The following COL4A3 variants were observed in gnomAD, a reference collection of about 807,000 sequenced individuals.
The protein encoded by COL4A3 is collagen type IV alpha 3 chain.
COL4A3 carries 135 observed loss-of-function variants against 217.4 expected under a neutral mutation model. That is an observed-to-expected ratio of 0.62 (90% CI 0.54 to 0.72). COL4A3 has a LOEUF of 0.72. COL4A3 is among the 30% of genes least tolerant of loss of function. The pLI is 0.00. For missense variants in COL4A3, 1,868 were observed against 2,119.9 expected, an observed-to-expected ratio of 0.88 and a Z score of 2.33; for synonymous variants, 690 against 736.3, an observed-to-expected ratio of 0.94 and a Z score of 1.02.
chr2:227,293,466 G>C (rs1216010875), intron 38 of COL4A3, 149 bp downstream of exon 38: 11 of 913,446 alleles, frequency 1.2e-5, no homozygotes, highest in Non-Finnish European at 1.8e-5. Flanking sequence ...AACACACTAA[G>C]AGAATTCATT....
At chr2:227,202,350 T>C (rs1299522767) in intron 1 of COL4A3, among the ~76,000 whole-genome samples, 1 of 152,150 alleles carries the variant, frequency 6.6e-6, no homozygotes, top group East Asian at 1.9e-4. Context: ...ACTATAGGTG[T>C]TTCTTGAAGC....
At chr2:227,291,109 C>T in intron 37 of COL4A3, 1 of 530,702 alleles carries the variant, frequency 1.9e-6, no homozygotes, top group Non-Finnish European at 3.4e-6. Context: ...AGGAATTTCT[C>T]ACACTGTCTC....
chr2:227,293,414 T>C (rs1426258197), intron 38 of COL4A3, 97 bp downstream of exon 38: 4 of 1,373,428 alleles, frequency 2.9e-6, no homozygotes, highest in Non-Finnish European at 4.0e-6. Flanking sequence ...TTTATACTTT[T>C]ATGCTGCAGT....
At chr2:227,222,784 T>C (rs1307541297) in intron 1 of COL4A3, among the ~76,000 whole-genome samples, 2 of 151,962 alleles carry the variant, frequency 1.3e-5, no homozygotes. Context: ...CACAGGAATA[T>C]GAAAGCAAGC....
At chr2:227,237,930 G>A (rs1213037473) in intron 1 of COL4A3, 38 bp from the exon 2 acceptor site, 1 of 1,503,224 alleles carries the variant, frequency 6.7e-7, no homozygotes, top group Non-Finnish European at 9.3e-7. Flanking sequence ...TTATTCAGCT[G>A]TTTCTAAACA....
intron 42 of COL4A3, among the ~76,000 whole-genome samples, chr2:227,298,278 G>C (rs1259845301): frequency 6.6e-6 from 1 of 152,160 alleles, no homozygotes; most frequent in East Asian, 1.9e-4. Context: ...CTTAAACCTG[G>C]GAGGCAGAGG....
At chr2:227,272,832 C>T in intron 25 of COL4A3, 117 bp from the exon 26 acceptor site, 2 of 1,115,936 alleles carry the variant, frequency 1.8e-6, no homozygotes, top group East Asian at 2.4e-5. Context: ...ATGCCAAATG[C>T]TTTTAATTCA....
chr2:227,278,897 G>A (rs142935016), intron 28 of COL4A3, among the ~76,000 whole-genome samples: 283 of 152,204 alleles, frequency 1.9e-3, no homozygotes, highest in African/African-American at 6.4e-3. Flanking sequence ...GCTTCACCGT[G>A]GCTTCCTCTT....
At chr2:227,167,531 T>C (rs1487394257) in intron 1 of COL4A3, among the ~76,000 whole-genome samples, 1 of 152,200 alleles carries the variant, frequency 6.6e-6, no homozygotes, top group African/African-American at 2.4e-5. Flanking sequence ...CTGGATAAGG[T>C]GATGTTCACA....
intron 1 of COL4A3, among the ~76,000 whole-genome samples, chr2:227,219,168 A>AT (rs1001387770): frequency 1.5e-4 from 23 of 148,828 alleles, no homozygotes; most frequent in Non-Finnish European, 2.1e-4. Context: ...CTAATTTTGT[A>AT]TTTTTTTTTT....
intron 1 of COL4A3, among the ~76,000 whole-genome samples, chr2:227,222,125 A>G (rs2067823276): frequency 3.8e-5 from 2 of 52,798 alleles, no homozygotes; most frequent in Non-Finnish European, 8.3e-5. Flanking sequence ...ACTGTCTCTA[A>G]TAATAATAAT....
At chr2:227,186,811 T>A (rs2066050141) in intron 1 of COL4A3, among the ~76,000 whole-genome samples, 3 of 152,170 alleles carry the variant, frequency 2.0e-5, no homozygotes, top group Non-Finnish European at 4.4e-5. Context: ...GGGTGGCTTA[T>A]AAATAACAGA....
intron 31 of COL4A3, chr2:227,281,911 CAT>C (rs2071988250): frequency 6.6e-6 from 1 of 152,584 alleles, no homozygotes; most frequent in Admixed American, 6.5e-5. Flanking sequence ...TACACACACA[CAT>C]GCGCACGCAT....
chr2:227,260,340 G>T (rs929962116), intron 19 of COL4A3, among the ~76,000 whole-genome samples: 1 of 152,216 alleles, frequency 6.6e-6, no homozygotes, highest in Admixed American at 6.5e-5. Context: ...AAATCCAAAA[G>T]TTCTGGGCCA....
Position 227,273,082 on chromosome 2 carries a change from G to C in COL4A3, c.1892G>C (p.Gly631Ala), listed in dbSNP as rs1315862965. 6.2e-7 allele frequency: 1 copy of C among 1,613,894 alleles called. No homozygotes were observed. The highest frequency in any genetic ancestry group is 1.3e-5 in the African/African-American group (1 of 74,898). ...GAACCTGGTCTCCAGGGCACGCAAG[G>C]AGTTCCTGGAGCCCCCGGACCACCC... is the stretch of plus-strand genomic sequence containing the variant. ...QGEPGLQGTQ[G>A]VPGAPGPPGE... is the part of the protein sequence containing the mutation. The change falls in exon 26 of 52, where the codon GGA (glycine) becomes GCA (alanine). Residue 631 changes from glycine (G) to alanine (A), a missense_variant. Physicochemically the swap from Gly to Ala is moderately conservative, Grantham distance 60. Around this residue, in one of 2 missense-constraint regions of COL4A3, gnomAD observed 1,503 missense variants for 1,786.1 expected, o/e 0.84. Transcript: ENST00000396578.
intron 1 of COL4A3, among the ~76,000 whole-genome samples, chr2:227,188,929 A>C (rs961839285): frequency 2.6e-5 from 4 of 152,210 alleles, no homozygotes; most frequent in Non-Finnish European, 2.9e-5. Context: ...ACAGGGATGC[A>C]ATGACAGAGA....
intron 3 of COL4A3, among the ~76,000 whole-genome samples, chr2:227,240,623 C>A (rs2068968369): frequency 6.8e-6 from 1 of 148,116 alleles, no homozygotes; most frequent in African/African-American, 2.7e-5. Flanking sequence ...TCCGGACATT[C>A]CAACTTTTCT....
intron 8 of COL4A3, among the ~76,000 whole-genome samples, chr2:227,247,895 C>A (rs187078091): frequency 1.3e-5 from 2 of 152,090 alleles, no homozygotes; most frequent in Non-Finnish European, 2.9e-5. Flanking sequence ...TTTTTGGTAT[C>A]TTGGGAAATG....
At chr2:227,248,312 T>A (rs753235176) in intron 8 of COL4A3, 131 bp from the exon 9 acceptor site, 90 of 739,940 alleles carry the variant, frequency 1.2e-4, no homozygotes, top group Non-Finnish European at 2.0e-5. Context: ...TACAAAATCA[T>A]AAATCATTTC....
Sources: allele counts gnomAD v4.1 joint callset (sites outside exome capture counted in the v4.1 genomes callset), GRCh38; gene constraint gnomAD v4.1.1; regional missense constraint gnomAD v4.1.1; transcripts MANE v1.5; gene names NCBI Gene and HGNC (gene_info 2026-07-23, HGNC 2026-07-21).